SLC10A7: variants seen among roughly 807,000 people sequenced by gnomAD.
SLC10A7 encodes the protein sodium/bile acid cotransporter 7.
SLC10A7 carries 29 observed loss-of-function variants against 43.2 expected under a neutral mutation model. That is an observed-to-expected ratio of 0.67 (90% CI 0.50 to 0.92). SLC10A7 has a LOEUF of 0.92. Ranked by LOEUF, SLC10A7 falls within the 40% of genes least tolerant of loss-of-function variation. The pLI, the probability that SLC10A7 is intolerant of heterozygous loss-of-function variation, is 0.00. For synonymous variants in SLC10A7, 152 were observed against 144.8 expected (o/e 1.05, Z -0.35); for missense variants, 295 against 403.2 (o/e 0.73, Z 2.30).
chr4:146,344,007 C>T (rs974469401), intron 5 of SLC10A7, among the ~76,000 whole-genome samples: 5 of 151,932 alleles, frequency 3.3e-5, no homozygotes, highest in African/African-American at 7.2e-5. Context: ...CCTCAGAAAG[C>T]GTTTGTGTGC....
chr4:146,385,045 G>A (rs1737893714), intron 5 of SLC10A7, among the ~76,000 whole-genome samples: 1 of 152,048 alleles, frequency 6.6e-6, no homozygotes, highest in Non-Finnish European at 1.5e-5. Context: ...AAACAATTAA[G>A]CCACCTTTCT....
At chr4:146,499,160 G>GAAAA (rs1736179492) in intron 4 of SLC10A7, among the ~76,000 whole-genome samples, 1 of 151,976 alleles carries the variant, frequency 6.6e-6, no homozygotes, top group African/African-American at 2.4e-5. Context: ...ATGTGAAAAA[G>GAAAA]GTGATAACAC....
intron 5 of SLC10A7, among the ~76,000 whole-genome samples, chr4:146,386,492 T>A (rs1738006693): frequency 6.6e-6 from 1 of 152,198 alleles, no homozygotes; most frequent in Non-Finnish European, 1.5e-5. Flanking sequence ...AACTCTCTGT[T>A]ACTTGCAAAC....
At chr4:146,289,706 GTTTTTTT>G (rs776153195) in intron 9 of SLC10A7, among the ~76,000 whole-genome samples, 11 of 88,088 alleles carry the variant, frequency 1.2e-4, no homozygotes, top group East Asian at 4.1e-4. Flanking sequence ...CTGATTATTA[GTTTTTTT>G]TTTTTTTTTT....
In SLC10A7 at chr4:146,327,432, T is replaced by C. The variant is rs569962393; in HGVS notation, c.436-1436A>G. On this transcript the variant is annotated intron_variant, in intron 5 of 11. Coordinates refer to ENST00000335472, the MANE Select transcript of SLC10A7 (RefSeq NM_001029998.6). Reference sequence around the variant, plus strand: ...AGAGCCAAATGTGCTAAATGACAAATAACTGATAACTTCGAAGGGCTACTG... The same window carrying C: ...AGAGCCAAATGTGCTAAATGACAAACAACTGATAACTTCGAAGGGCTACTG... Among the ~76,000 whole-genome samples, 4 of 152,336 alleles carry C rather than the reference T, an allele frequency of 2.6e-5. No homozygotes were observed. In the South Asian group the frequency reaches 8.3e-4, roughly 32 times the overall value.
chr4:146,325,821 T>C (rs781324942), intron 6 of SLC10A7, 140 bp downstream of exon 6: 10 of 751,210 alleles, frequency 1.3e-5, no homozygotes, highest in Non-Finnish European at 2.2e-5. Context: ...AATATTATTA[T>C]GCGGTACAGC....
intron 5 of SLC10A7, among the ~76,000 whole-genome samples, chr4:146,348,617 A>G (rs1033480189): frequency 1.1e-4 from 16 of 152,204 alleles, no homozygotes; most frequent in African/African-American, 3.9e-4. Context: ...GTTTTCAGAA[A>G]GCATACAGAT....
chr4:146,373,133 C>T (rs115482691), intron 5 of SLC10A7, among the ~76,000 whole-genome samples: 3,258 of 152,212 alleles, frequency 0.021, 105 homozygotes, highest in African/African-American at 0.074. Flanking sequence ...CATTTTAAAG[C>T]AAAAGGCTGA....
chr4:146,289,706 GTTTT>G (rs776153195), intron 9 of SLC10A7, among the ~76,000 whole-genome samples: 56 of 88,080 alleles, frequency 6.4e-4, no homozygotes, highest in South Asian at 9.4e-4. Flanking sequence ...CTGATTATTA[GTTTT>G]TTTTTTTTTT....
intron 5 of SLC10A7, among the ~76,000 whole-genome samples, chr4:146,420,278 A>G (rs1314395768): frequency 6.6e-6 from 1 of 152,168 alleles, no homozygotes; most frequent in Non-Finnish European, 1.5e-5. Context: ...TCTCACCTAC[A>G]TTTCCGGTTT....
At chr4:146,318,229 T>C (rs1732459606) in intron 6 of SLC10A7, among the ~76,000 whole-genome samples, 2 of 152,088 alleles carry the variant, frequency 1.3e-5, no homozygotes, top group African/African-American at 2.4e-5. Flanking sequence ...AGTTATCAAT[T>C]ATCACTGTCT....
intron 1 of SLC10A7, among the ~76,000 whole-genome samples, chr4:146,518,099 C>T (rs1040194384): frequency 6.6e-6 from 1 of 152,052 alleles, no homozygotes; most frequent in Non-Finnish European, 1.5e-5. Context: ...GTTAACACTG[C>T]GAGAACAATA....
intron 7 of SLC10A7, among the ~76,000 whole-genome samples, chr4:146,294,335 A>G (rs182555403): frequency 4.5e-4 from 69 of 152,282 alleles, no homozygotes; most frequent in Admixed American, 4.5e-3. Context: ...ATTCAAATCC[A>G]TCCTTAATCA....
intron 5 of SLC10A7, among the ~76,000 whole-genome samples, chr4:146,399,683 C>A (rs1313165620): frequency 2.6e-5 from 4 of 152,124 alleles, no homozygotes; most frequent in Non-Finnish European, 4.4e-5. Flanking sequence ...GAGGGGAAGA[C>A]AATGGAAAGA....
chr4:146,298,507 G>A (rs776118625), intron 7 of SLC10A7, among the ~76,000 whole-genome samples: 2 of 152,170 alleles, frequency 1.3e-5, no homozygotes, highest in Non-Finnish European at 2.9e-5. Flanking sequence ...GAATGATAAT[G>A]TATAGATATG....
chr4:146,379,149 C>T, intron 5 of SLC10A7, among the ~76,000 whole-genome samples: 1 of 152,186 alleles, frequency 6.6e-6, no homozygotes, highest in Non-Finnish European at 1.5e-5. Context: ...AAATTACTTT[C>T]ATTCTACCTT....
chr4:146,486,502 G>A (rs1430139116), intron 4 of SLC10A7, among the ~76,000 whole-genome samples: 1 of 152,160 alleles, frequency 6.6e-6, no homozygotes. Flanking sequence ...TTCTAATGCT[G>A]CAGTTGTTTT....
chr4:146,504,904 T>G (rs1345169902), intron 3 of SLC10A7, among the ~76,000 whole-genome samples: 1 of 152,218 alleles, frequency 6.6e-6, no homozygotes, highest in Non-Finnish European at 1.5e-5. Flanking sequence ...GACAGGTCTA[T>G]TTTCTTAGTT....
intron 5 of SLC10A7, among the ~76,000 whole-genome samples, chr4:146,384,287 A>G (rs1010998503): frequency 6.6e-6 from 1 of 152,164 alleles, no homozygotes. Flanking sequence ...AAAGAAAAAA[A>G]CTGATAAATT....
Sources: gnomAD v4.1 joint callset for allele counts (sites outside exome capture counted in the v4.1 genomes callset) on GRCh38, gnomAD v4.1.1 for gene constraint, MANE v1.5 for transcripts, NCBI Gene and HGNC (gene_info 2026-07-23, HGNC 2026-07-21) for gene names.